UTP20: variants seen among roughly 807,000 people sequenced by gnomAD.
UTP20 encodes the protein UTP20 small subunit processome component, also known as small subunit processome component 20 homolog.
Under a neutral mutation model 329.5 loss-of-function variants are expected in UTP20, and 164 were observed. The observed-to-expected ratio is 0.50, with a 90% CI of 0.44 to 0.57. The LOEUF (loss-of-function observed/expected upper bound fraction) is 0.57. Ranked by LOEUF, UTP20 falls within the 20% of genes least tolerant of loss-of-function variation. The pLI, the probability that UTP20 is intolerant of heterozygous loss-of-function variation, is 0.00. For missense variants in UTP20, 3,055 were observed against 3,284.2 expected, an observed-to-expected ratio of 0.93 and a Z score of 1.71; for synonymous variants, 1,151 against 1,159.3, an observed-to-expected ratio of 0.99 and a Z score of 0.14.
rs183835525 is a variant in UTP20 at position 101,379,576 on chromosome 12, C to T, written c.7584+18C>T. On this transcript the variant is annotated intron_variant, in intron 57 of 61. Transcript: ENST00000261637. The stretch of plus-strand genomic sequence containing the variant: ...ACCAAAAGGTAAGCTTTCTCTCAAA[C>T]CTTTTCCTTCCCTCGTGACTGTAAG... 1.2e-5 allele frequency: 19 copies of T among 1,599,588 alleles called. No individual in the cohort carries two copies. In the Admixed American group the frequency reaches 2.2e-4, roughly 19 times the overall value.
chr12:101,345,166 G>C (rs954462526), intron 36 of UTP20, among the ~76,000 whole-genome samples: 3 of 151,872 alleles, frequency 2.0e-5, no homozygotes, highest in African/African-American at 7.3e-5. Flanking sequence ...AGCTGGTCCC[G>C]AACTCCTGAC....
At chr12:101,341,224 C>G (rs530495725) in intron 32 of UTP20, among the ~76,000 whole-genome samples, 1 of 151,984 alleles carries the variant, frequency 6.6e-6, no homozygotes, top group Non-Finnish European at 1.5e-5. Context: ...GTGATCTGCC[C>G]GCCTCGGCCT....
At chr12:101,351,641 C>G (rs1349630283) in intron 38 of UTP20, among the ~76,000 whole-genome samples, 5 of 151,098 alleles carry the variant, frequency 3.3e-5, no homozygotes, top group Admixed American at 1.3e-4. Flanking sequence ...TAACCCATCA[C>G]CTAGATATTA....
chr12:101,331,485 C>G (rs144223841), intron 27 of UTP20, among the ~76,000 whole-genome samples: 1 of 152,286 alleles, frequency 6.6e-6, no homozygotes, highest in Non-Finnish European at 1.5e-5. Context: ...GCTTACCTGT[C>G]ATTTCCTTTG....
chr12:101,361,770 C>A (rs1357399915), intron 43 of UTP20, among the ~76,000 whole-genome samples, 192 bp from the exon 44 acceptor site: 1 of 152,058 alleles, frequency 6.6e-6, no homozygotes, highest in African/African-American at 2.4e-5. Context: ...TTCTGAACAC[C>A]TTTGGTACAA....
At chr12:101,305,789 C>A in intron 15 of UTP20, 126 bp from the exon 16 acceptor site, 2 of 1,106,686 alleles carry the variant, frequency 1.8e-6, no homozygotes, top group Non-Finnish European at 2.4e-6. Context: ...CAGATATCCA[C>A]GTGAGACTTT....
At chr12:101,294,023 T>G (rs935209013) in intron 11 of UTP20, among the ~76,000 whole-genome samples, 2 of 151,504 alleles carry the variant, frequency 1.3e-5, no homozygotes, top group Non-Finnish European at 3.0e-5. Context: ...TTTTTAGCTA[T>G]TTTTTTTCTT....
At chr12:101,377,835 G>A (rs1222117456) in intron 56 of UTP20, among the ~76,000 whole-genome samples, 1 of 152,152 alleles carries the variant, frequency 6.6e-6, no homozygotes, top group Non-Finnish European at 1.5e-5. Context: ...ATATGTTTAA[G>A]TCCTTTACCA....
Position 101,280,116 on chromosome 12 carries a change from T to C in UTP20, c.-167T>C, listed in dbSNP as rs577203029. On this transcript the variant is annotated 5_prime_UTR_variant, in exon 1 of 62. Transcript: ENST00000261637. Reference sequence around the variant, plus strand: ...CGTCCACGTGACCCACTCAGGCTCCTCCTTGTCTCCAACATGGCGGCGCCC... The same window carrying C: ...CGTCCACGTGACCCACTCAGGCTCCCCCTTGTCTCCAACATGGCGGCGCCC... 1.2e-5 allele frequency: 10 copies of C among 836,052 alleles called. No individual in the cohort carries two copies. The South Asian group carries it at 1.5e-4, about 13-fold the overall frequency. The allele number at this position is 836,052 out of a possible 1,614,324, so 51.8% of individuals were successfully genotyped here. A position where few individuals can be genotyped will look rare whatever the true frequency, so the allele number is the denominator to read the frequency against.
intron 40 of UTP20, among the ~76,000 whole-genome samples, chr12:101,353,572 A>G (rs1391613319): frequency 6.6e-6 from 1 of 152,252 alleles, no homozygotes; most frequent in Non-Finnish European, 1.5e-5. Flanking sequence ...ACAGTGGCTC[A>G]CAACTGTAAT....
In UTP20 at chr12:101,363,665, A is replaced by G; in HGVS notation, c.5880A>G (p.Lys1960=). ...LSKVMEARRS[K]SYDSYEILGK... is the part of the protein sequence containing the mutation. Reference sequence around the variant, plus strand: ...AAGTCATGGAAGCACGAAGAAGCAAAAGTTACGACTCTTATGAAATCCTCG... The same window carrying G: ...AAGTCATGGAAGCACGAAGAAGCAAGAGTTACGACTCTTATGAAATCCTCG... Residue 1960 remains lysine (K), a synonymous_variant, in exon 45 of 62, where the codon AAA becomes AAG. Coordinates refer to ENST00000261637, the MANE Select transcript of UTP20 (RefSeq NM_014503.3). 6.2e-7 allele frequency: 1 copy of G among 1,613,832 alleles called. No homozygotes were observed. Among genetic ancestry groups the G allele is most frequent in the Non-Finnish European group, 8.5e-7 (1 of 1,179,716 alleles).
At position 101,345,583 on chromosome 12, in the gene UTP20, T is replaced by C; in HGVS notation, c.4635T>C (p.Leu1545=). Reference sequence around the variant, plus strand: ...TTCAGCAGGATTATACCACAATACTTTCCTGTTTAATTCAAACCTTTCCAA... The same window carrying C: ...TTCAGCAGGATTATACCACAATACTCTCCTGTTTAATTCAAACCTTTCCAA... The part of the protein sequence containing the change: ...ESIQQDYTTI[L]SCLIQTFPNQ... Residue 1545 remains leucine, a synonymous_variant, in exon 37 of 62, where the codon CTT becomes CTC. Coordinates refer to ENST00000261637, the MANE Select transcript of UTP20 (RefSeq NM_014503.3). The C allele has an allele frequency of 1.2e-6, 2 of 1,603,768 alleles. No homozygotes were observed. The highest frequency in any genetic ancestry group is 1.7e-6 in the Non-Finnish European group (2 of 1,171,422).
intron 40 of UTP20, among the ~76,000 whole-genome samples, chr12:101,353,507 A>T (rs752290115): frequency 2.9e-4 from 44 of 152,242 alleles, no homozygotes; most frequent in Non-Finnish European, 6.3e-4. Flanking sequence ...AATAGAAAAG[A>T]TCAACAAAGC....
In UTP20 at chr12:101,375,685, TAACTA is replaced by T; in HGVS notation, c.7330_7334del (p.Lys2444TyrfsTer5). On this transcript the variant is annotated frameshift_variant, in exon 56 of 62. Coordinates refer to ENST00000261637, the MANE Select transcript of UTP20 (RefSeq NM_014503.3). LOFTEE classifies it high-confidence loss of function. Reference sequence around the variant, plus strand: ...CTTCTGTTTAGTTTTCTTACACTGATAACTAAACTTATCAAGGAATGTAATATTAT... The same window carrying T: ...CTTCTGTTTAGTTTTCTTACACTGATAACTTATCAAGGAATGTAATATTAT... 1 of 1,607,634 alleles carries T rather than the reference TAACTA, an allele frequency of 6.2e-7. No homozygotes were observed.
At chr12:101,328,894 A>G (rs1275388430) in intron 26 of UTP20, among the ~76,000 whole-genome samples, 1 of 151,540 alleles carries the variant, frequency 6.6e-6, no homozygotes, top group African/African-American at 2.4e-5. Context: ...AAATTACCAG[A>G]TGGAATAAGA....
At chr12:101,284,151 T>C (rs1367386534) in intron 2 of UTP20, among the ~76,000 whole-genome samples, 1 of 152,156 alleles carries the variant, frequency 6.6e-6, no homozygotes. Context: ...TACATGGGAA[T>C]ATTGTGTGAT....
rs766047935 is a variant in UTP20 at position 101,354,846 on chromosome 12, A to G, written c.5122A>G (p.Ile1708Val). 2 of 1,613,342 alleles carry G rather than the reference A, an allele frequency of 1.2e-6. No homozygotes were observed. The highest frequency in any genetic ancestry group is 1.7e-6 in the Non-Finnish European group (2 of 1,179,656). ...IENEENAIEA[I>V]ELPEPEAMEL... ...ATTAAACATAGACGCAATTGAAGCA[A>G]TTGAGTTACCAGAGCCTGAGGCCAT... The change falls in exon 41 of 62, where the codon ATT becomes GTT. Residue 1708 changes from isoleucine to valine, a missense_variant. By Grantham distance (29) the Ile-to-Val change is conservative. This residue lies in a region of UTP20 where 2,445 missense variants were observed against 2,575.5 expected (regional missense o/e 0.95). Transcript: ENST00000261637.
At chr12:101,293,078 C>A in intron 10 of UTP20, 90 bp from the exon 11 acceptor site, 1 of 1,293,466 alleles carries the variant, frequency 7.7e-7, no homozygotes, top group Non-Finnish European at 1.1e-6. Flanking sequence ...AGTGAAGTGT[C>A]CCTGCCATTC....
rs201836633 is a variant in UTP20, at chr12:101,342,555, A to G, written c.4211A>G (p.Lys1404Arg). Residue 1404 changes from lysine to arginine, a missense_variant, in exon 33 of 62, where the codon AAA (lysine) becomes AGA (arginine). Physicochemically the swap from Lys to Arg is conservative, Grantham distance 26 (BLOSUM62 2). Coordinates refer to ENST00000261637, the MANE Select transcript of UTP20 (RefSeq NM_014503.3). ...AAACTTTTCTCAGTTATTAAGAACA[A>G]ATTGTCAAGAAAATTGCTTTGTACG... is the stretch of plus-strand genomic sequence containing the variant. Reference protein sequence around the residue: ...IAKLFSVIKNKLSRKLLCTVF... With the variant: ...IAKLFSVIKNRLSRKLLCTVF... 1 of 1,613,506 alleles carries G rather than the reference A, an allele frequency of 6.2e-7. No homozygotes were observed. Among genetic ancestry groups the G allele is most frequent in the East Asian group, 2.2e-5 (1 of 44,856 alleles).
Sources: gnomAD v4.1 joint callset for allele counts (sites outside exome capture counted in the v4.1 genomes callset) on GRCh38, gnomAD v4.1.1 for gene constraint, gnomAD v4.1.1 regional missense constraint, MANE v1.5 for transcripts, NCBI Gene and HGNC (gene_info 2026-07-23, HGNC 2026-07-21) for gene names.